The following STYK1 variants were observed in gnomAD, a reference collection of about 807,000 sequenced individuals.
The protein encoded by STYK1 is tyrosine-protein kinase STYK1.
STYK1 carries 46 observed loss-of-function variants against 48.1 expected under a neutral mutation model. The ratio of observed to expected loss-of-function variants is 0.96; its 90% CI spans 0.75 to 1.22. STYK1 has a LOEUF of 1.22. STYK1 is among the 50% of genes most tolerant of loss of function. The probability of loss-of-function intolerance (pLI) is 0.00; values close to 1 mark genes in which losing one functional copy is unlikely to be tolerated. For synonymous variants in STYK1, 188 were observed against 189.0 expected (o/e 0.99, Z 0.04); for missense variants, 527 against 521.1 (o/e 1.01, Z -0.11).
chr12:10,624,888 C>T, intron 7 of STYK1, 29 bp from the exon 8 acceptor site: 1 of 1,603,204 alleles, frequency 6.2e-7, no homozygotes, highest in Non-Finnish European at 8.5e-7. Flanking sequence ...ATATGATCAG[C>T]TGTCTGAGAT....
intron 10 of STYK1, 53 bp downstream of exon 10, chr12:10,621,823 G>A (rs375989159): frequency 6.5e-7 from 1 of 1,536,392 alleles, no homozygotes; most frequent in Non-Finnish European, 9.0e-7. Context: ...GATTGATAGA[G>A]GGCTAAACAA....
intron 4 of STYK1, among the ~76,000 whole-genome samples, chr12:10,633,754 T>C (rs1947454242): frequency 6.6e-6 from 1 of 152,048 alleles, no homozygotes; most frequent in African/African-American, 2.4e-5. Flanking sequence ...AGAAACAGGT[T>C]ATATGAGGTT....
chr12:10,627,783 G>T, intron 6 of STYK1, 59 bp from the exon 7 acceptor site: 2 of 1,450,562 alleles, frequency 1.4e-6, no homozygotes, highest in East Asian at 2.3e-5. Context: ...ATTTGGAAAA[G>T]AAATAAAGTT....
chr12:10,630,924 T>C (rs995620078), intron 5 of STYK1, 121 bp downstream of exon 5: 35 of 1,325,806 alleles, frequency 2.6e-5, no homozygotes, highest in Non-Finnish European at 3.6e-5. Flanking sequence ...GTTTCCACTC[T>C]ATTACCTTCT....
At chr12:10,638,411 G>T (rs1947509095) in intron 1 of STYK1, among the ~76,000 whole-genome samples, 1 of 152,188 alleles carries the variant, frequency 6.6e-6, no homozygotes, top group Non-Finnish European at 1.5e-5. Flanking sequence ...AGATACAAAA[G>T]GGAGGAGAAT....
chr12:10,644,990 C>T (rs960369973), intron 1 of STYK1, among the ~76,000 whole-genome samples: 16 of 151,880 alleles, frequency 1.1e-4, no homozygotes, highest in South Asian at 2.1e-4. Flanking sequence ...AGGAAAGAAT[C>T]CATGGAGTTC....
chr12:10,625,783 A>G (rs1232950039), intron 7 of STYK1, among the ~76,000 whole-genome samples: 1 of 152,212 alleles, frequency 6.6e-6, no homozygotes, highest in African/African-American at 2.4e-5. Context: ...TGCATATTGG[A>G]ATTGCCTGAG....
In STYK1 at chr12:10,672,283, G is replaced by C. The variant is rs1947898933; in HGVS notation, c.-195+1683C>G. ...GTACGGGGTGCACAGCAGGAAATCA[G>C]AGGCAGGTGAGCCAGCAAAGCTTCA... On this transcript the variant is annotated intron_variant, in intron 1 of 10. Transcript: ENST00000075503. This position sits in a 1 kb window ranked among gnomAD's most constrained non-coding sequence, Gnocchi z 4.0. Among the ~76,000 whole-genome samples the C allele has an allele frequency of 1.3e-5, 2 of 152,220 alleles. No individual in the cohort carries two copies.
rs753842901 is a variant in STYK1 at position 10,672,236 on chromosome 12, C to T, written c.-195+1730G>A. ...ATTTCGTTGTTTAAGCCAGAGGTCA[C>T]CAACACCCGGGGCGCCGACAGGTAC... is the stretch of plus-strand genomic sequence containing the variant. On this transcript the variant is annotated intron_variant, in intron 1 of 10. Coordinates refer to ENST00000075503, the MANE Select transcript of STYK1 (RefSeq NM_018423.3). The surrounding 1 kb of genome is among the most constrained non-coding windows in gnomAD (Gnocchi z 4.0). Among the ~76,000 whole-genome samples, 4 of 152,152 alleles carry T rather than the reference C, an allele frequency of 2.6e-5. No individual in the cohort carries two copies. The highest frequency in any genetic ancestry group is 5.9e-5 in the Non-Finnish European group (4 of 68,032).
chr12:10,670,612 G>C (rs1243191674), intron 1 of STYK1, among the ~76,000 whole-genome samples: 1 of 151,518 alleles, frequency 6.6e-6, no homozygotes, highest in East Asian at 1.9e-4. Context: ...ATATGAAAGG[G>C]TATGACCTTA....
At chr12:10,660,710 C>T (rs1184589701) in intron 1 of STYK1, among the ~76,000 whole-genome samples, 1 of 152,130 alleles carries the variant, frequency 6.6e-6, no homozygotes, top group Non-Finnish European at 1.5e-5. Flanking sequence ...TCTGGTCATC[C>T]TCATTGCTCA....
intron 8 of STYK1, 84 bp from the exon 9 acceptor site, chr12:10,622,762 A>G: frequency 6.6e-7 from 1 of 1,520,740 alleles, no homozygotes; most frequent in Non-Finnish European, 9.0e-7. Context: ...AGCCTTTAAT[A>G]AGAGCCCCAT....
intron 1 of STYK1, among the ~76,000 whole-genome samples, chr12:10,669,018 G>C (rs111861913): frequency 6.6e-6 from 1 of 152,076 alleles, no homozygotes; most frequent in Admixed American, 6.6e-5. Flanking sequence ...AAAGGAAGAA[G>C]AAAAAGCATG....
chr12:10,644,972 G>C (rs1035505884), intron 1 of STYK1, among the ~76,000 whole-genome samples: 2 of 152,094 alleles, frequency 1.3e-5, no homozygotes, highest in East Asian at 3.9e-4. Context: ...GAGAGGAAAA[G>C]AGGGCCTAGG....
intron 1 of STYK1, among the ~76,000 whole-genome samples, chr12:10,654,560 G>A (rs948142275): frequency 1.1e-4 from 16 of 152,262 alleles, no homozygotes; most frequent in African/African-American, 2.4e-4. Flanking sequence ...GGTAAGGGGC[G>A]GGGTATGTTT....
intron 1 of STYK1, among the ~76,000 whole-genome samples, chr12:10,642,948 G>A (rs181887332): frequency 1.4e-4 from 21 of 152,172 alleles, no homozygotes; most frequent in African/African-American, 4.6e-4. Flanking sequence ...TACTGGTTCC[G>A]CTGATATCAC....
In STYK1 at chr12:10,620,095, G is replaced by C; in HGVS notation, c.*49C>G. ...ACCATTCTCTGTTCTTAGAGGAATT[G>C]ATTCCAAGAACATATACTCATGCAT... is the stretch of plus-strand genomic sequence containing the variant. On this transcript the variant is annotated 3_prime_UTR_variant, in exon 11 of 11. Transcript: ENST00000075503. The C allele has an allele frequency of 6.3e-7, 1 of 1,589,420 alleles. No individual in the cohort carries two copies.
In STYK1 at chr12:10,620,126, T is replaced by C; in HGVS notation, c.*18A>G. The C allele has an allele frequency of 1.9e-6, 3 of 1,613,730 alleles. No individual in the cohort carries two copies. The highest frequency in any genetic ancestry group is 2.5e-6 in the Non-Finnish European group (3 of 1,179,576). ...AAGAACATATACTCATGCATGAATG[T>C]TTCTTGCCCGAGACTCTTCAAAGCA... On this transcript the variant is annotated 3_prime_UTR_variant, in exon 11 of 11. Coordinates refer to ENST00000075503, the MANE Select transcript of STYK1 (RefSeq NM_018423.3).
chr12:10,631,034 T>C lies in STYK1; in HGVS notation c.451+11A>G, dbSNP rs1169607123. The C allele has an allele frequency of 2.5e-6, 4 of 1,611,308 alleles. No individual in the cohort carries two copies. The African/African-American group carries it at 5.3e-5, about 22-fold the overall frequency. ...TTAGGGGAAGGGGGAGTCAAACACT[T>C]CTTGTTTTACCTTTTAAAGCCTTGA... is the stretch of plus-strand genomic sequence containing the variant. On this transcript the variant is annotated intron_variant, in intron 5 of 10. Transcript: ENST00000075503.
Sources: allele counts gnomAD v4.1 joint callset (sites outside exome capture counted in the v4.1 genomes callset), GRCh38; gene constraint gnomAD v4.1.1; non-coding constraint Gnocchi (gnomAD v3.1); transcripts MANE v1.5; gene names NCBI Gene and HGNC (gene_info 2026-07-23, HGNC 2026-07-21).